CDH18: variants seen among roughly 807,000 people sequenced by gnomAD.
The protein encoded by CDH18 is cadherin 18.
Under a neutral mutation model 67.9 loss-of-function variants are expected in CDH18, and 31 were observed. That is an observed-to-expected ratio of 0.46 (90% CI 0.34 to 0.62). The LOEUF (loss-of-function observed/expected upper bound fraction) is 0.62, where lower values mean the gene tolerates loss of function less well. Among genes scored for constraint, CDH18 ranks in the 20% least tolerant of loss-of-function variants. CDH18 has a pLI of 0.01. For synonymous variants in CDH18, 362 were observed against 347.2 expected (o/e 1.04, Z -0.48); for missense variants, 890 against 975.5 (o/e 0.91, Z 1.17).
chr5:19,901,692 A>G (rs1486350678), intron 2 of CDH18, among the ~76,000 whole-genome samples: 1 of 152,090 alleles, frequency 6.6e-6, no homozygotes, highest in African/African-American at 2.4e-5. Context: ...AATTTATAAT[A>G]TTAGATGCAG....
chr5:19,647,881 A>C (rs1329718860), intron 5 of CDH18, among the ~76,000 whole-genome samples: 1 of 151,258 alleles, frequency 6.6e-6, no homozygotes, highest in East Asian at 1.9e-4. Flanking sequence ...AAAATTGAGA[A>C]AATCAATAGA....
chr5:20,566,360 C>CTTTTTTTT (rs529048391), intron 1 of CDH18, among the ~76,000 whole-genome samples: 12 of 119,258 alleles, frequency 1.0e-4, no homozygotes, highest in African/African-American at 1.7e-4. Context: ...TTTTCTTTTT[C>CTTTTTTTT]TTTTTTTTTT....
intron 6 of CDH18, among the ~76,000 whole-genome samples, chr5:19,605,541 T>A (rs889742098): frequency 2.2e-4 from 33 of 152,064 alleles, no homozygotes; most frequent in African/African-American, 7.7e-4. Flanking sequence ...CCATAATCTT[T>A]CTATTTAAAC....
intron 2 of CDH18, among the ~76,000 whole-genome samples, chr5:19,978,539 A>C (rs1168520017): frequency 6.6e-6 from 1 of 152,162 alleles, no homozygotes; most frequent in African/African-American, 2.4e-5. Context: ...CTTTAAAAAA[A>C]CACTAAGTTA....
At chr5:19,646,339 A>G (rs962559520) in intron 5 of CDH18, among the ~76,000 whole-genome samples, 1 of 152,018 alleles carries the variant, frequency 6.6e-6, no homozygotes, top group African/African-American at 2.4e-5. Context: ...TTAAATTATT[A>G]TTATTACTAT....
chr5:19,889,003 G>A (rs1185937760), intron 2 of CDH18, among the ~76,000 whole-genome samples: 1 of 152,070 alleles, frequency 6.6e-6, no homozygotes. Flanking sequence ...GATATAAAAT[G>A]ACATAGTATT....
At chr5:19,593,732 C>CTTG (rs1554055011) in intron 6 of CDH18, among the ~76,000 whole-genome samples, 1,342 of 129,104 alleles carry the variant, frequency 0.01, 37 homozygotes, top group East Asian at 0.056. Context: ...TCTTCTTCTT[C>CTTG]TTCTTCTTCT....
upstream of CDH18, among the ~76,000 whole-genome samples, chr5:19,990,737 A>C (rs933515300): frequency 4.6e-5 from 7 of 152,146 alleles, no homozygotes; most frequent in Non-Finnish European, 1.5e-5. Context: ...CACTTAGTGC[A>C]TCTCTTGTAT....
intron 3 of CDH18, among the ~76,000 whole-genome samples, chr5:19,799,882 A>G (rs62355763): frequency 0.062 from 9,426 of 152,196 alleles, 336 homozygotes; most frequent in Non-Finnish European, 0.081. Context: ...AAACAGATAC[A>G]TTCATCTTTA....
intron 2 of CDH18, among the ~76,000 whole-genome samples, chr5:20,110,669 A>G (rs1017179549): frequency 1.3e-5 from 2 of 152,186 alleles, no homozygotes; most frequent in Non-Finnish European, 2.9e-5. Context: ...AAAAAAAAAC[A>G]AAAAACAAAT....
At chr5:19,750,051 C>T (rs1000774091) in intron 3 of CDH18, among the ~76,000 whole-genome samples, 3 of 151,812 alleles carry the variant, frequency 2.0e-5, no homozygotes, top group Admixed American at 6.6e-5. Flanking sequence ...TTTTAAATAA[C>T]GTAGATGATC....
At chr5:19,706,558 T>C (rs1189879078) in intron 5 of CDH18, among the ~76,000 whole-genome samples, 2 of 152,204 alleles carry the variant, frequency 1.3e-5, no homozygotes, top group Non-Finnish European at 2.9e-5. Context: ...CTAGCTTATG[T>C]ACATGTATGT....
chr5:19,548,744 T>G (rs2127121100), intron 8 of CDH18, among the ~76,000 whole-genome samples: 1 of 148,552 alleles, frequency 6.7e-6, no homozygotes, highest in East Asian at 2.0e-4. Flanking sequence ...CTGAGTAATA[T>G]TTATCAGCTT....
chr5:19,593,666 A>C (rs1356031776), intron 6 of CDH18, among the ~76,000 whole-genome samples: 23 of 26,628 alleles, frequency 8.6e-4, no homozygotes, highest in Admixed American at 2.2e-3. Flanking sequence ...CTCCCCTTCT[A>C]CCTCCTTCTT....
chr5:20,480,143 T>C (rs1279492803), intron 1 of CDH18, among the ~76,000 whole-genome samples: 1 of 152,170 alleles, frequency 6.6e-6, no homozygotes, highest in Non-Finnish European at 1.5e-5. Context: ...AAAGGGAGTT[T>C]CTCAGTCTGA....
intron 5 of CDH18, among the ~76,000 whole-genome samples, chr5:19,667,527 C>CAT (rs2150336992): frequency 6.7e-6 from 1 of 150,160 alleles, no homozygotes; most frequent in East Asian, 2.0e-4. Flanking sequence ...CACACACACA[C>CAT]ACATACACAC....
intron 1 of CDH18, among the ~76,000 whole-genome samples, chr5:20,293,686 T>A (rs562134387): frequency 6.6e-6 from 1 of 152,336 alleles, no homozygotes; most frequent in African/African-American, 2.4e-5. Flanking sequence ...CTTGAGATAT[T>A]TATACACATG....
At chr5:19,617,093 A>T (rs558907049) in intron 5 of CDH18, among the ~76,000 whole-genome samples, 2 of 152,220 alleles carry the variant, frequency 1.3e-5, no homozygotes, top group Non-Finnish European at 2.9e-5. Context: ...ATTTGTGTGC[A>T]AGTGGTTCAA....
chr5:20,380,115 C>G (rs1442275540), intron 1 of CDH18, among the ~76,000 whole-genome samples: 1 of 152,066 alleles, frequency 6.6e-6, no homozygotes, highest in Non-Finnish European at 1.5e-5. Flanking sequence ...AAGGAAATAG[C>G]TAGATCTAAA....
Sources: gnomAD v4.1 joint callset for allele counts (sites outside exome capture counted in the v4.1 genomes callset) on GRCh38, gnomAD v4.1.1 for gene constraint, MANE v1.5 for transcripts, NCBI Gene and HGNC (gene_info 2026-07-23, HGNC 2026-07-21) for gene names.